Variants in CAMKMT observed in about 807,000 individuals in gnomAD.
CAMKMT encodes calmodulin-lysine N-methyltransferase.
A neutral mutation model predicts 48.0 loss-of-function variants in CAMKMT; 53 were observed. The observed-to-expected ratio is 1.10, with a 90% CI of 0.89 to 1.39. The LOEUF is 1.39. Among genes scored for constraint, CAMKMT ranks in the 40% most tolerant of loss-of-function variants. The probability of loss-of-function intolerance (pLI) is 0.00; values close to 1 mark genes in which losing one functional copy is unlikely to be tolerated. For synonymous variants in CAMKMT, 165 were observed against 152.3 expected (o/e 1.08, Z -0.61); for missense variants, 428 against 402.7 (o/e 1.06, Z -0.54).
At chr2:44,532,404 C>G (rs908730126) in intron 3 of CAMKMT, among the ~76,000 whole-genome samples, 8 of 152,110 alleles carry the variant, frequency 5.3e-5, no homozygotes, top group African/African-American at 1.9e-4. Context: ...GGAGTGAATT[C>G]AAAAGTTAAG....
intron 3 of CAMKMT, among the ~76,000 whole-genome samples, chr2:44,572,297 A>T (rs1668951146): frequency 6.6e-6 from 1 of 152,026 alleles, no homozygotes; most frequent in Non-Finnish European, 1.5e-5. Flanking sequence ...TCTTCCCATC[A>T]TGGCCTCCCA....
intron 3 of CAMKMT, among the ~76,000 whole-genome samples, chr2:44,405,821 A>T (rs1363055859): frequency 6.6e-6 from 1 of 152,190 alleles, no homozygotes; most frequent in Non-Finnish European, 1.5e-5. Flanking sequence ...GCTCATGCCT[A>T]TGAAATGTAT....
At chr2:44,562,203 C>A (rs1050100638) in intron 3 of CAMKMT, among the ~76,000 whole-genome samples, 1 of 152,140 alleles carries the variant, frequency 6.6e-6, no homozygotes, top group Non-Finnish European at 1.5e-5. Context: ...GCCATGTCCC[C>A]CTTCCCATTC....
At position 44,475,992 on chromosome 2, in the gene CAMKMT, A is replaced by T. The variant is rs117429999; in HGVS notation, c.376+85687A>T. On this transcript the variant is annotated intron_variant, in intron 3 of 10. Coordinates refer to ENST00000378494, the MANE Select transcript of CAMKMT (RefSeq NM_024766.5). ...TATAATGTATGGTACCATAAATACC[A>T]TTGCATTTGATTTTTGTGTGAAACA... is the stretch of plus-strand genomic sequence containing the variant. 2.3e-3 allele frequency among the ~76,000 whole-genome samples: 343 copies of T among 152,324 alleles called. 16 individuals carry two copies. In the East Asian group the frequency reaches 0.057, roughly 25 times the overall value.
At chr2:44,667,372 G>T (rs2104109547) in intron 3 of CAMKMT, among the ~76,000 whole-genome samples, 1 of 152,288 alleles carries the variant, frequency 6.6e-6, no homozygotes, top group East Asian at 1.9e-4. Flanking sequence ...CCTCTCAGCA[G>T]CTGAAGAGGT....
At chr2:44,670,521 G>T (rs1675265220) in intron 3 of CAMKMT, among the ~76,000 whole-genome samples, 1 of 152,080 alleles carries the variant, frequency 6.6e-6, no homozygotes, top group South Asian at 2.1e-4. Flanking sequence ...GCATGCTGGT[G>T]CATACCTATG....
intron 3 of CAMKMT, among the ~76,000 whole-genome samples, chr2:44,677,252 C>G (rs1444749491): frequency 6.6e-6 from 1 of 152,158 alleles, no homozygotes. Flanking sequence ...TGAGCTTATT[C>G]CTAACTTTGA....
intron 3 of CAMKMT, among the ~76,000 whole-genome samples, chr2:44,423,011 G>T (rs1049326005): frequency 2.6e-5 from 4 of 151,978 alleles, no homozygotes; most frequent in Non-Finnish European, 5.9e-5. Context: ...TCTTCACTCT[G>T]TATCTTCCAC....
At chr2:44,599,772 G>T (rs1243566351) in intron 3 of CAMKMT, among the ~76,000 whole-genome samples, 1 of 151,100 alleles carries the variant, frequency 6.6e-6, no homozygotes, top group Non-Finnish European at 1.5e-5. Context: ...CCTGGATTGG[G>T]CTATTTCTGA....
chr2:44,414,588 T>C (rs1433928957), intron 3 of CAMKMT, among the ~76,000 whole-genome samples: 3 of 152,142 alleles, frequency 2.0e-5, no homozygotes, highest in Non-Finnish European at 4.4e-5. Flanking sequence ...AGAGTCATAG[T>C]CTTTTATAAC....
chr2:44,646,205 A>T (rs1426790439), intron 3 of CAMKMT, among the ~76,000 whole-genome samples: 2 of 152,228 alleles, frequency 1.3e-5, no homozygotes, highest in East Asian at 3.8e-4. Context: ...AGGGGAAGCT[A>T]TTAACAGTTT....
At chr2:44,422,195 C>T (rs1301073393) in intron 3 of CAMKMT, among the ~76,000 whole-genome samples, 4 of 152,154 alleles carry the variant, frequency 2.6e-5, no homozygotes, top group Admixed American at 6.5e-5. Context: ...TGTAGCTCCT[C>T]GCTTGCACTG....
chr2:44,372,747 T>C lies in CAMKMT; in HGVS notation c.170T>C (p.Leu57Pro). 6.2e-7 allele frequency: 1 copy of C among 1,613,464 alleles called. No homozygotes were observed. The highest frequency in any genetic ancestry group is 8.5e-7 in the Non-Finnish European group (1 of 1,179,802). ...AAGCAAAAACACCTGGATGATTGCC[T>C]GCGACATGTATCTGTAAGAAGATTT... ...VLKQKHLDDC[L>P]RHVSVRRFES... is the part of the protein sequence containing the mutation. Residue 57 changes from leucine (L) to proline (P), a missense_variant, in exon 2 of 11, where the codon CTG (leucine) becomes CCG (proline). Coordinates refer to ENST00000378494, the MANE Select transcript of CAMKMT (RefSeq NM_024766.5).
At chr2:44,541,865 C>G (rs1350355621) in intron 3 of CAMKMT, among the ~76,000 whole-genome samples, 2 of 151,984 alleles carry the variant, frequency 1.3e-5, no homozygotes, top group African/African-American at 2.4e-5. Flanking sequence ...CACGATGGCT[C>G]ACGCCTATAA....
intron 3 of CAMKMT, among the ~76,000 whole-genome samples, chr2:44,651,677 T>C (rs1206372254): frequency 6.6e-6 from 1 of 152,186 alleles, no homozygotes; most frequent in Non-Finnish European, 1.5e-5. Context: ...AACAGTGAGA[T>C]AGTGAAGTGT....
intron 3 of CAMKMT, among the ~76,000 whole-genome samples, chr2:44,489,277 G>C (rs1380527912): frequency 8.5e-6 from 1 of 118,060 alleles, no homozygotes; most frequent in Non-Finnish European, 1.7e-5. Context: ...ATGGAGTCTT[G>C]CTCTGTCGCC....
chr2:44,368,099 C>G lies in CAMKMT; in HGVS notation c.139-4617C>G, dbSNP rs79069906. Among the ~76,000 whole-genome samples, 1,661 of 152,210 alleles carry G rather than the reference C, an allele frequency of 0.011. 92 individuals carry two copies. In the East Asian group the frequency reaches 0.15, roughly 14 times the overall value. On this transcript the variant is annotated intron_variant, in intron 1 of 10. Transcript: ENST00000378494. ...ATGTCTTTTTTTTCTTCTTCTGATACTTAATCTTTTGACATGAACTTATTT... is the reference window on the plus strand; with the variant it reads ...ATGTCTTTTTTTTCTTCTTCTGATAGTTAATCTTTTGACATGAACTTATTT...
rs565371762 is a variant in CAMKMT at position 44,407,485 on chromosome 2, A to C, written c.376+17180A>C. ...ATGAGTGGGTTTTCTCCCCTTTCAC[A>C]GCAGCAGGTGTCTTTTGCCTAGTGT... On this transcript the variant is annotated intron_variant, in intron 3 of 10. Transcript: ENST00000378494. Among the ~76,000 whole-genome samples, 6 of 152,268 alleles carry C rather than the reference A, an allele frequency of 3.9e-5. No individual in the cohort carries two copies. In the East Asian group the frequency reaches 7.7e-4, roughly 20 times the overall value.
At chr2:44,583,545 C>T (rs1669684849) in intron 3 of CAMKMT, among the ~76,000 whole-genome samples, 1 of 152,130 alleles carries the variant, frequency 6.6e-6, no homozygotes, top group South Asian at 2.1e-4. Context: ...ATAATCCCAG[C>T]ACTTTGGGAG....
Sources: allele counts gnomAD v4.1 joint callset (sites outside exome capture counted in the v4.1 genomes callset), GRCh38; gene constraint gnomAD v4.1.1; transcripts MANE v1.5; gene names NCBI Gene and HGNC (gene_info 2026-07-23, HGNC 2026-07-21).